AGBL1: variants seen among roughly 807,000 people sequenced by gnomAD.
AGBL1 encodes the protein cytosolic carboxypeptidase 4.
In AGBL1, 130 loss-of-function variants were observed where a neutral mutation model predicts 118.9. The ratio of observed to expected loss-of-function variants is 1.09; its 90% confidence interval spans 0.95 to 1.26. The LOEUF is 1.26. AGBL1 is among the 50% of genes most tolerant of loss of function. The pLI is 0.00. For synonymous variants in AGBL1, 555 were observed against 478.9 expected, an observed-to-expected ratio of 1.16 and a Z score of -2.08; for missense variants, 1,584 against 1,298.1, an observed-to-expected ratio of 1.22 and a Z score of -3.38.
intron 21 of AGBL1, among the ~76,000 whole-genome samples, chr15:86,609,513 C>G (rs2084628770): frequency 6.6e-6 from 1 of 152,090 alleles, no homozygotes; most frequent in South Asian, 2.1e-4. Context: ...ATGTGTAGTT[C>G]TAGGAGTTAA....
chr15:86,597,919 G>C (rs574191873), intron 21 of AGBL1, among the ~76,000 whole-genome samples: 3 of 152,238 alleles, frequency 2.0e-5, no homozygotes, highest in African/African-American at 7.2e-5. Context: ...ATAAAAGAGA[G>C]GGAACAAAGA....
intron 18 of AGBL1, among the ~76,000 whole-genome samples, chr15:86,444,540 AG>A (rs1173019651): frequency 6.6e-6 from 1 of 152,226 alleles, no homozygotes; most frequent in Non-Finnish European, 1.5e-5. Context: ...ATCTGGGGGC[AG>A]GCCAACCTGC....
chr15:86,299,574 C>G (rs2079713782), intron 17 of AGBL1, among the ~76,000 whole-genome samples: 1 of 152,054 alleles, frequency 6.6e-6, no homozygotes, highest in Non-Finnish European at 1.5e-5. Flanking sequence ...ATCCCATAAG[C>G]TGTTTGGGAA....
At chr15:86,459,778 T>C (rs967798048) in intron 18 of AGBL1, among the ~76,000 whole-genome samples, 2 of 152,114 alleles carry the variant, frequency 1.3e-5, no homozygotes, top group African/African-American at 4.8e-5. Flanking sequence ...TATTCTCAAG[T>C]CCTACCGCAT....
At chr15:86,541,474 C>A (rs1232435530) in intron 19 of AGBL1, among the ~76,000 whole-genome samples, 1 of 151,728 alleles carries the variant, frequency 6.6e-6, no homozygotes, top group African/African-American at 2.4e-5. Context: ...TGCCTGTAGT[C>A]CTAGCTACTT....
intron 22 of AGBL1, among the ~76,000 whole-genome samples, chr15:86,759,405 G>A (rs759359209): frequency 1.3e-5 from 2 of 151,980 alleles, no homozygotes; most frequent in Non-Finnish European, 1.5e-5. Flanking sequence ...AAGTAATAAC[G>A]GAAACTTCCT....
intron 22 of AGBL1, among the ~76,000 whole-genome samples, chr15:86,743,438 C>T (rs1392413719): frequency 1.3e-5 from 2 of 151,998 alleles, no homozygotes; most frequent in Non-Finnish European, 2.9e-5. Context: ...ACCACCTGGG[C>T]TGTTTTTCCC....
At chr15:86,762,053 A>C (rs566296273) in intron 22 of AGBL1, among the ~76,000 whole-genome samples, 127 of 152,158 alleles carry the variant, frequency 8.3e-4, no homozygotes, top group Non-Finnish European at 1.6e-3. Context: ...AAGGAATGAG[A>C]TTATGTCATT....
chr15:86,608,936 C>T (rs2084621145), intron 21 of AGBL1, among the ~76,000 whole-genome samples: 1 of 152,106 alleles, frequency 6.6e-6, no homozygotes, highest in Non-Finnish European at 1.5e-5. Context: ...GGGTTTGCAT[C>T]GCTAGTGACT....
At chr15:86,814,592 G>T (rs1446080720) in intron 22 of AGBL1, among the ~76,000 whole-genome samples, 1 of 152,164 alleles carries the variant, frequency 6.6e-6, no homozygotes, top group Non-Finnish European at 1.5e-5. Flanking sequence ...GAGAGGAGTG[G>T]AAGAGAATAA....
intron 21 of AGBL1, among the ~76,000 whole-genome samples, chr15:86,653,809 G>A (rs2085417686): frequency 6.6e-6 from 1 of 152,032 alleles, no homozygotes; most frequent in Non-Finnish European, 1.5e-5. Flanking sequence ...CGATCACCTT[G>A]GGCTGGAACT....
chr15:86,444,419 G>A lies in AGBL1; in HGVS notation c.2555+46873G>A, dbSNP rs560011582. Among the ~76,000 whole-genome samples, 4 of 152,216 alleles carry A rather than the reference G, an allele frequency of 2.6e-5. No homozygotes were observed. The South Asian group carries it at 8.3e-4, about 32-fold the overall frequency. On this transcript the variant is annotated intron_variant, in intron 18 of 22. Coordinates refer to ENST00000614907, the MANE Select transcript of AGBL1 (RefSeq NM_001386094.1). Reference sequence around the variant, plus strand: ...ACTCAGCTATTGCATGATGGGAAAGGACCTGAAAGTTTTCACATGACTCTC... The same window carrying A: ...ACTCAGCTATTGCATGATGGGAAAGAACCTGAAAGTTTTCACATGACTCTC...
intron 18 of AGBL1, among the ~76,000 whole-genome samples, chr15:86,484,042 G>A (rs943971628): frequency 6.6e-6 from 1 of 152,058 alleles, no homozygotes; most frequent in Non-Finnish European, 1.5e-5. Context: ...TGCTGAAATA[G>A]GTTTGTTTAC....
chr15:86,671,993 G>A (rs2085754093), intron 21 of AGBL1, among the ~76,000 whole-genome samples: 1 of 152,140 alleles, frequency 6.6e-6, no homozygotes, highest in Non-Finnish European at 1.5e-5. Context: ...AATATATTTA[G>A]CCCAGGAGTT....
chr15:86,949,101 A>G (rs1400869347), intron 23 of AGBL1, among the ~76,000 whole-genome samples: 1 of 152,242 alleles, frequency 6.6e-6, no homozygotes, highest in African/African-American at 2.4e-5. Context: ...CCAACAGGAG[A>G]TAATTTAGAA....
intron 7 of AGBL1, among the ~76,000 whole-genome samples, chr15:86,253,742 G>A (rs573012853): frequency 8.5e-5 from 13 of 152,208 alleles, no homozygotes; most frequent in Admixed American, 2.6e-4. Context: ...TAAATTAATT[G>A]TAGTAAAATA....
chr15:86,297,205 T>G (rs539972441), intron 17 of AGBL1: 7 of 152,022 alleles, frequency 4.6e-5, no homozygotes, highest in African/African-American at 1.7e-4. Flanking sequence ...TCATAACAGC[T>G]TTTTTTTCTT....
chr15:86,821,531 A>G (rs533342762), intron 22 of AGBL1, among the ~76,000 whole-genome samples: 35 of 152,272 alleles, frequency 2.3e-4, no homozygotes, highest in Non-Finnish European at 4.4e-4. Context: ...ATAGATAAAA[A>G]ATATAATTGT....
At chr15:86,688,373 T>A (rs961357246) in intron 22 of AGBL1, among the ~76,000 whole-genome samples, 3 of 152,154 alleles carry the variant, frequency 2.0e-5, no homozygotes, top group Non-Finnish European at 2.9e-5. Context: ...GAACTCTGAA[T>A]GAATTCAGGG....
Sources: gnomAD v4.1 joint callset for allele counts (sites outside exome capture counted in the v4.1 genomes callset) on GRCh38, gnomAD v4.1.1 for gene constraint, MANE v1.5 for transcripts, NCBI Gene and HGNC (gene_info 2026-07-23, HGNC 2026-07-21) for gene names.